Variants in DIAPH2 observed in about 807,000 individuals in gnomAD.
DIAPH2 encodes the protein diaphanous related formin 2.
Under a neutral mutation model 92.7 loss-of-function variants are expected in DIAPH2, and 35 were observed. The observed-to-expected ratio is 0.38, with a 90% confidence interval of 0.29 to 0.50. The LOEUF is 0.50. Ranked by LOEUF, DIAPH2 falls within the 20% of genes least tolerant of loss-of-function variation. The pLI, the probability that DIAPH2 is intolerant of heterozygous loss-of-function variation, is 0.94. For synonymous variants in DIAPH2, 301 were observed against 280.4 expected, an observed-to-expected ratio of 1.07 and a Z score of -0.73; for missense variants, 701 against 819.5, an observed-to-expected ratio of 0.86 and a Z score of 1.77.
intron 23 of DIAPH2, among the ~76,000 whole-genome samples, chrX:97,249,132 G>A (rs1023794302): frequency 9.5e-6 from 1 of 105,141 alleles, no homozygotes; most frequent in African/African-American, 3.5e-5. Flanking sequence ...TTCACCTTTT[G>A]ATTTTGGTTC....
chrX:97,103,747 G>C (rs1459752879), intron 20 of DIAPH2, among the ~76,000 whole-genome samples: 1 of 111,874 alleles, frequency 8.9e-6, no homozygotes, highest in African/African-American at 3.3e-5. Context: ...TACCAGTGCT[G>C]TTCTATAGCA....
chrX:96,736,940 T>G (rs767618754), intron 2 of DIAPH2, among the ~76,000 whole-genome samples: 3 of 112,442 alleles, frequency 2.7e-5, no homozygotes, highest in Non-Finnish European at 5.6e-5. Context: ...AATTTGACTA[T>G]TGGATATATC....
intron 1 of DIAPH2, among the ~76,000 whole-genome samples, chrX:96,728,047 AAAAAAAAAAG>A (rs1390059139): frequency 1.4e-4 from 7 of 50,654 alleles, no homozygotes; most frequent in African/African-American, 7.8e-4. Flanking sequence ...CCGTCTCAAA[AAAAAAAAAAG>A]AAAAAAAAAA....
chrX:97,578,632 C>G (rs1355711667), intron 26 of DIAPH2, among the ~76,000 whole-genome samples: 1 of 81,540 alleles, frequency 1.2e-5, no homozygotes, highest in Non-Finnish European at 2.4e-5. Context: ...AATAAACATA[C>G]GTGTGCATGT....
At chrX:96,883,811 C>T (rs1422151520) in intron 5 of DIAPH2, 1 of 116,158 alleles carries the variant, frequency 8.6e-6, no homozygotes, top group Non-Finnish European at 1.8e-5. Context: ...ACTTTGTGCT[C>T]CTAAAATTTC....
At chrX:97,311,979 C>G (rs1373281419) in intron 23 of DIAPH2, among the ~76,000 whole-genome samples, 1 of 110,282 alleles carries the variant, frequency 9.1e-6, no homozygotes, top group Non-Finnish European at 1.9e-5. Flanking sequence ...AGGCGCCCGC[C>G]ACCAAGCCCG....
In DIAPH2 at chrX:97,500,655, T is replaced by A. The variant is rs552031650; in HGVS notation, c.3241+70910T>A. Reference sequence around the variant, plus strand: ...AGAACATTTCTATCTATTATTTCAGTTAATTTATCCTTGTTATCAATATTG... The same window carrying A: ...AGAACATTTCTATCTATTATTTCAGATAATTTATCCTTGTTATCAATATTG... On this transcript the variant is annotated intron_variant, in intron 26 of 26. Coordinates refer to ENST00000324765, the MANE Select transcript of DIAPH2 (RefSeq NM_006729.5). Among the ~76,000 whole-genome samples, 3 of 106,930 alleles carry A rather than the reference T, an allele frequency of 2.8e-5. No individual in the cohort carries two copies. The South Asian group carries it at 1.3e-3, about 46-fold the overall frequency. 92.9% of individuals were successfully genotyped at this position (106,930 alleles called of 115,157 possible).
At chrX:96,732,555 A>G (rs1003984962) in intron 1 of DIAPH2, among the ~76,000 whole-genome samples, 1 of 112,406 alleles carries the variant, frequency 8.9e-6, no homozygotes, top group South Asian at 3.7e-4. Flanking sequence ...AATGAAATTT[A>G]CAAATCAAGA....
intron 4 of DIAPH2, among the ~76,000 whole-genome samples, chrX:96,852,993 A>G (rs1284751495): frequency 9.0e-6 from 1 of 111,642 alleles, no homozygotes; most frequent in African/African-American, 3.3e-5. Flanking sequence ...TCCCTAATTA[A>G]TATCTGTATT....
At chrX:97,181,923 G>A (rs2067543680) in intron 22 of DIAPH2, among the ~76,000 whole-genome samples, 1 of 112,252 alleles carries the variant, frequency 8.9e-6, no homozygotes, top group African/African-American at 3.2e-5. Context: ...ATATTCTGTA[G>A]GATAGTTATA....
intron 25 of DIAPH2, among the ~76,000 whole-genome samples, chrX:97,389,232 GC>G (rs1281718450): frequency 9.1e-6 from 1 of 109,741 alleles, no homozygotes; most frequent in Non-Finnish European, 1.9e-5. Flanking sequence ...ACTTTGGGTG[GC>G]CTAGGCGGGT....
chrX:96,956,304 C>T (rs931738201), intron 15 of DIAPH2, among the ~76,000 whole-genome samples: 3 of 110,230 alleles, frequency 2.7e-5, no homozygotes, highest in Non-Finnish European at 5.7e-5. Context: ...CTGCACACAG[C>T]GGGAGGGCCC....
chrX:97,113,598 A>G (rs1461303951), intron 20 of DIAPH2, among the ~76,000 whole-genome samples: 2 of 112,316 alleles, frequency 1.8e-5, no homozygotes. Flanking sequence ...GTTAATGGGC[A>G]AATTCGAAGA....
chrX:97,091,180 A>G (rs2066822251), intron 19 of DIAPH2, among the ~76,000 whole-genome samples: 1 of 111,153 alleles, frequency 9.0e-6, no homozygotes, highest in East Asian at 2.8e-4. Flanking sequence ...ATTTACTCAC[A>G]TATTTAACTT....
At chrX:96,724,637 A>G (rs966580630) in intron 1 of DIAPH2, among the ~76,000 whole-genome samples, 6 of 111,755 alleles carry the variant, frequency 5.4e-5, no homozygotes, top group Non-Finnish European at 9.4e-5. Context: ...GTTGTAGGCA[A>G]GGTTAACAGC....
At chrX:97,418,915 T>A in intron 25 of DIAPH2, among the ~76,000 whole-genome samples, 1 of 111,914 alleles carries the variant, frequency 8.9e-6, no homozygotes, top group Middle Eastern at 4.6e-3. Context: ...CATTCTTGGC[T>A]TTGGCTCTCC....
At chrX:97,161,213 G>C (rs957022538) in intron 22 of DIAPH2, among the ~76,000 whole-genome samples, 2 of 109,325 alleles carry the variant, frequency 1.8e-5, no homozygotes, top group Non-Finnish European at 3.8e-5. Context: ...TTTTAGGGAA[G>C]GTACATGACT....
At chrX:97,432,509 TAG>T (rs1009880315) in intron 26 of DIAPH2, among the ~76,000 whole-genome samples, 2 of 109,214 alleles carry the variant, frequency 1.8e-5, no homozygotes, top group African/African-American at 6.7e-5. Context: ...TATTTTGAGA[TAG>T]AGTCTTGCTC....
At chrX:97,401,744 A>G (rs2069759629) in intron 25 of DIAPH2, among the ~76,000 whole-genome samples, 1 of 111,835 alleles carries the variant, frequency 8.9e-6, no homozygotes, top group African/African-American at 3.3e-5. Context: ...GATGTACACT[A>G]AAGTTTAAGA....
Sources: allele counts gnomAD v4.1 joint callset (sites outside exome capture counted in the v4.1 genomes callset), GRCh38; gene constraint gnomAD v4.1.1; transcripts MANE v1.5; gene names NCBI Gene and HGNC (gene_info 2026-07-23, HGNC 2026-07-21).